Variants in ZC2HC1C observed in about 807,000 individuals in gnomAD.
The protein encoded by ZC2HC1C is zinc finger C2HC domain-containing protein 1C.
A neutral mutation model predicts 39.2 loss-of-function variants in ZC2HC1C; 25 were observed. The ratio of observed to expected loss-of-function variants is 0.64; its 90% confidence interval spans 0.47 to 0.89. The LOEUF (loss-of-function observed/expected upper bound fraction) is 0.89. Among genes scored for constraint, ZC2HC1C ranks in the 40% least tolerant of loss-of-function variants. The pLI is 0.00. For synonymous variants in ZC2HC1C, 209 were observed against 214.4 expected (o/e 0.97, Z 0.22); for missense variants, 519 against 548.6 (o/e 0.95, Z 0.54).
Position 75,071,093 on chromosome 14 carries a change from T to C in ZC2HC1C, c.520T>C (p.Ser174Pro), listed in dbSNP as rs761943920. The change falls in exon 2 of 3, where the codon TCA becomes CCA. Residue 174 changes from serine (S) to proline (P), a missense_variant. Ser to Pro is a moderately conservative substitution (Grantham distance 74). Coordinates refer to ENST00000524913, the MANE Select transcript of ZC2HC1C (RefSeq NM_024643.4). ...YPRPPEPREFSSRNFGVRNQG... is the reference protein window; with the variant it reads ...YPRPPEPREFPSRNFGVRNQG... ...AAGGCCCCCTGAGCCGAGAGAGTTT[T>C]CATCTAGGAACTTTGGTGTGAGGAA... 6 of 1,614,196 alleles carry C rather than the reference T, an allele frequency of 3.7e-6. No homozygotes were observed. In the East Asian group the frequency reaches 1.1e-4, roughly 30 times the overall value.
At chr14:75,076,203 T>C (rs1460513366) in intron 2 of ZC2HC1C, among the ~76,000 whole-genome samples, 2 of 152,340 alleles carry the variant, frequency 1.3e-5, no homozygotes, top group East Asian at 3.9e-4. Flanking sequence ...CTTTTTACTT[T>C]CCATCTTGAT....
chr14:75,073,355 T>C (rs572428527), intron 2 of ZC2HC1C, among the ~76,000 whole-genome samples: 1 of 152,378 alleles, frequency 6.6e-6, no homozygotes, highest in East Asian at 1.9e-4. Context: ...ACTGTAGCGA[T>C]TTATTTTTGG....
intron 2 of ZC2HC1C, 121 bp downstream of exon 2, chr14:75,072,032 TAAC>T: frequency 7.3e-7 from 1 of 1,367,798 alleles, no homozygotes; most frequent in Non-Finnish European, 9.7e-7. Context: ...CGTCTAGAAT[TAAC>T]ATTTCTTGAT....
chr14:75,071,866 A>G lies in ZC2HC1C; in HGVS notation c.1293A>G (p.Thr431=), dbSNP rs1159075316. The G allele has an allele frequency of 1.9e-6, 3 of 1,613,166 alleles. No homozygotes were observed. Among genetic ancestry groups the G allele is most frequent in the African/African-American group, 2.7e-5 (2 of 75,052 alleles). The change falls in exon 2 of 3, where the codon ACA becomes ACG. Residue 431 remains threonine (T), a synonymous_variant. Transcript: ENST00000524913. ...FDSSRARAKG[T]ELEQYLNWKG... ...CCTCCAGGGCCCGGGCTAAGGGCAC[A>G]GAACTAGAGCAGTACTTGAACTGGA...
At chr14:75,072,584 C>A (rs1403066290) in intron 2 of ZC2HC1C, among the ~76,000 whole-genome samples, 11 of 152,072 alleles carry the variant, frequency 7.2e-5, no homozygotes, top group Non-Finnish European at 1.5e-4. Context: ...TTTAGAAAAA[C>A]CAGGTTGGAA....
rs1342736256 is a variant in ZC2HC1C, at chr14:75,071,087, G to A, written c.514G>A (p.Glu172Lys). 6.2e-7 allele frequency: 1 copy of A among 1,614,094 alleles called. No homozygotes were observed. The highest frequency in any genetic ancestry group is 8.5e-7 in the Non-Finnish European group (1 of 1,180,048). The change falls in exon 2 of 3, where the codon GAG (glutamate) becomes AAG (lysine). Residue 172 changes from glutamate to lysine, a missense_variant. By Grantham distance (56) the Glu-to-Lys change is moderately conservative. Coordinates refer to ENST00000524913, the MANE Select transcript of ZC2HC1C (RefSeq NM_024643.4). ...CTACCCAAGGCCCCCTGAGCCGAGAGAGTTTTCATCTAGGAACTTTGGTGT... is the reference window on the plus strand; with the variant it reads ...CTACCCAAGGCCCCCTGAGCCGAGAAAGTTTTCATCTAGGAACTTTGGTGT... Reference protein sequence around the residue: ...NVYPRPPEPREFSSRNFGVRN... With the variant: ...NVYPRPPEPRKFSSRNFGVRN...
intron 2 of ZC2HC1C, among the ~76,000 whole-genome samples, chr14:75,077,038 A>G (rs1189420354): frequency 6.6e-6 from 1 of 152,164 alleles, no homozygotes. Flanking sequence ...GAGTGGGGGA[A>G]GGAGGCTGAC....
rs1474938615 is a variant in ZC2HC1C, at chr14:75,070,825, C to T, written c.252C>T (p.Ser84=). 1 of 1,614,122 alleles carries T rather than the reference C, an allele frequency of 6.2e-7. No individual in the cohort carries two copies. Among genetic ancestry groups the T allele is most frequent in the East Asian group, 2.2e-5 (1 of 44,904 alleles). Residue 84 remains serine (S), a synonymous_variant, in exon 2 of 3, where the codon TCC becomes TCT. Coordinates refer to ENST00000524913, the MANE Select transcript of ZC2HC1C (RefSeq NM_024643.4). The part of the protein sequence containing the change: ...WNTQTKARSY[S]YPHCTGISQQ... ...CCCAAACAAAAGCCCGGAGCTACTC[C>T]TATCCCCACTGTACTGGAATCAGCC...
In ZC2HC1C at chr14:75,070,917, C is replaced by A; in HGVS notation, c.344C>A (p.Ser115Tyr). 1 of 1,614,216 alleles carries A rather than the reference C, an allele frequency of 6.2e-7. No individual in the cohort carries two copies. The highest frequency in any genetic ancestry group is 2.2e-5 in the East Asian group (1 of 44,886). Residue 115 changes from serine (S) to tyrosine (Y), a missense_variant, in exon 2 of 3, where the codon TCC becomes TAC. Physicochemically the swap from Ser to Tyr is moderately radical, Grantham distance 144 (BLOSUM62 -2). Transcript: ENST00000524913. ...TTGTTTTACTCGTCAGGCCCTCAAT[C>A]CTGGTATCCCAAAGCCAATAACCAG... is the stretch of plus-strand genomic sequence containing the variant. ...NGLFYSSGPQ[S>Y]WYPKANNQDF...
In ZC2HC1C at chr14:75,079,351, C is replaced by T. The variant is rs1310980147; in HGVS notation, c.*1787C>T. On this transcript the variant is annotated 3_prime_UTR_variant, in exon 3 of 3. Coordinates refer to ENST00000524913, the MANE Select transcript of ZC2HC1C (RefSeq NM_024643.4). Reference sequence around the variant, plus strand: ...TCCTATATATTTAAATAGGAGCACACATTTCTTTGCACTCTTTTTAATTGT... The same window carrying T: ...TCCTATATATTTAAATAGGAGCACATATTTCTTTGCACTCTTTTTAATTGT... 6.6e-6 allele frequency: 1 copy of T among 152,034 alleles called. No individual in the cohort carries two copies. The highest frequency in any genetic ancestry group is 1.5e-5 in the Non-Finnish European group (1 of 68,024). The allele number at this position is 152,034 out of a possible 1,614,324, so 9.4% of individuals were successfully genotyped here.
chr14:75,074,580 GTTTT>G (rs1200589085), intron 2 of ZC2HC1C, among the ~76,000 whole-genome samples: 9 of 150,108 alleles, frequency 6.0e-5, no homozygotes, highest in African/African-American at 1.2e-4. Flanking sequence ...TTTTTGTTTT[GTTTT>G]GTTTTTTTTG....
At position 75,078,857 on chromosome 14, in the gene ZC2HC1C, T is replaced by C. The variant is rs997603951; in HGVS notation, c.*1293T>C. The stretch of plus-strand genomic sequence containing the variant: ...TCAAATCTTTTTAATTTTCTCTGTG[T>C]AGAATATTGCCTAGCACAAGTTAGA... On this transcript the variant is annotated 3_prime_UTR_variant, in exon 3 of 3. Transcript: ENST00000524913. 6.6e-6 allele frequency: 1 copy of C among 152,202 alleles called. No homozygotes were observed. The highest frequency in any genetic ancestry group is 2.4e-5 in the African/African-American group (1 of 41,466). The allele number at this position is 152,202 out of a possible 1,614,324, so 9.4% of individuals were successfully genotyped here. A position where few individuals can be genotyped will look rare whatever the true frequency, so the allele number is the denominator to read the frequency against.
chr14:75,071,082 C>T lies in ZC2HC1C; in HGVS notation c.509C>T (p.Pro170Leu), dbSNP rs762708308. The T allele has an allele frequency of 3.4e-5, 55 of 1,614,018 alleles. No individual in the cohort carries two copies. The highest frequency in any genetic ancestry group is 1.8e-4 in the Admixed American group (11 of 59,998). Residue 170 changes from proline (P) to leucine (L), a missense_variant, in exon 2 of 3, where the codon CCG (proline) becomes CTG (leucine). By Grantham distance (98) the Pro-to-Leu change is moderately conservative. Transcript: ENST00000524913. Reference sequence around the variant, plus strand: ...AATGTCTACCCAAGGCCCCCTGAGCCGAGAGAGTTTTCATCTAGGAACTTT... The same window carrying T: ...AATGTCTACCCAAGGCCCCCTGAGCTGAGAGAGTTTTCATCTAGGAACTTT... ...DHNVYPRPPEPREFSSRNFGV... is the reference protein window; with the variant it reads ...DHNVYPRPPELREFSSRNFGV...
At chr14:75,075,775 C>T (rs1043072651) in intron 2 of ZC2HC1C, among the ~76,000 whole-genome samples, 7 of 152,144 alleles carry the variant, frequency 4.6e-5, no homozygotes, top group Admixed American at 1.3e-4. Context: ...ATTTTCTCCT[C>T]ACCAGGTGCT....
chr14:75,076,991 C>T (rs544258342), intron 2 of ZC2HC1C, among the ~76,000 whole-genome samples: 1 of 152,186 alleles, frequency 6.6e-6, no homozygotes, highest in East Asian at 1.9e-4. Context: ...CCTCTTTTTC[C>T]TATGAGGATG....
chr14:75,073,231 A>G (rs1408059585), intron 2 of ZC2HC1C, among the ~76,000 whole-genome samples: 2 of 152,204 alleles, frequency 1.3e-5, no homozygotes, highest in African/African-American at 4.8e-5. Context: ...CTAGTTTCCA[A>G]AGAAGAAATC....
intron 2 of ZC2HC1C, among the ~76,000 whole-genome samples, chr14:75,073,040 T>C (rs970341835): frequency 3.3e-5 from 5 of 152,244 alleles, no homozygotes; most frequent in Admixed American, 1.3e-4. Context: ...CCCTCCGCTG[T>C]GCTGGCACCT....
At position 75,070,947 on chromosome 14, in the gene ZC2HC1C, T is replaced by G; in HGVS notation, c.374T>G (p.Phe125Cys). 1.2e-6 allele frequency: 2 copies of G among 1,614,220 alleles called. No individual in the cohort carries two copies. The highest frequency in any genetic ancestry group is 2.2e-5 in the South Asian group (2 of 91,084). The part of the protein sequence containing the change: ...SWYPKANNQD[F>C]IPFTKKRVGV... Reference sequence around the variant, plus strand: ...TATCCCAAAGCCAATAACCAGGACTTTATCCCCTTTACAAAGAAACGAGTT... The same window carrying G: ...TATCCCAAAGCCAATAACCAGGACTGTATCCCCTTTACAAAGAAACGAGTT... The change falls in exon 2 of 3, where the codon TTT becomes TGT. Residue 125 changes from phenylalanine to cysteine, a missense_variant. Physicochemically the swap from Phe to Cys is radical, Grantham distance 205. Coordinates refer to ENST00000524913, the MANE Select transcript of ZC2HC1C (RefSeq NM_024643.4).
intron 2 of ZC2HC1C, 103 bp from the exon 3 acceptor site, chr14:75,077,429 T>A: frequency 1.4e-6 from 2 of 1,475,582 alleles, no homozygotes; most frequent in Non-Finnish European, 1.9e-6. Context: ...CTCTTTGACC[T>A]TGCAGATTAG....
Sources: gnomAD v4.1 joint callset for allele counts (sites outside exome capture counted in the v4.1 genomes callset) on GRCh38, gnomAD v4.1.1 for gene constraint, MANE v1.5 for transcripts, NCBI Gene and HGNC (gene_info 2026-07-23, HGNC 2026-07-21) for gene names.